Variants in CHLSN observed in about 807,000 individuals in gnomAD.
CHLSN encodes protein cholesin.
the CHLSN span, among the ~76,000 whole-genome samples, chr7:1,054,369 C>T: frequency 5.9e-5 from 9 of 152,218 alleles, no homozygotes; most frequent in Non-Finnish European, 1.3e-4. Flanking sequence ...TTTATAAATC[C>T]TTCAGTATTT....
the CHLSN span, among the ~76,000 whole-genome samples, chr7:1,118,578 G>A: frequency 2.0e-5 from 3 of 151,806 alleles, no homozygotes; most frequent in East Asian, 1.9e-4. Flanking sequence ...TCAATAAGTC[G>A]CAAAAAAATG....
chr7:1,064,907 C>T, the CHLSN span, among the ~76,000 whole-genome samples: 1 of 152,214 alleles, frequency 6.6e-6, no homozygotes, highest in Non-Finnish European at 1.5e-5. Context: ...CCGGGTCAAG[C>T]GAGCAGCATC....
chr7:1,040,375 C>G, the CHLSN span, among the ~76,000 whole-genome samples: 3 of 151,858 alleles, frequency 2.0e-5, no homozygotes, highest in Non-Finnish European at 2.9e-5. Flanking sequence ...CGCACCTGTA[C>G]TCCCAGGTAC....
the CHLSN span, among the ~76,000 whole-genome samples, chr7:1,112,852 T>C: frequency 2.0e-5 from 3 of 152,124 alleles, no homozygotes; most frequent in Non-Finnish European, 4.4e-5. Flanking sequence ...TAAACATGCA[T>C]GCACCATGCA....
At chr7:1,001,909 A>G in the CHLSN span, among the ~76,000 whole-genome samples, 1 of 38,912 alleles carries the variant, frequency 2.6e-5, no homozygotes, top group Non-Finnish European at 4.7e-5. Flanking sequence ...GTGGGTGGGG[A>G]GTCCTGCGGG....
chr7:1,098,609 CAGACACGAGTGGAGCTGCCACGCTCA>C, the CHLSN span, among the ~76,000 whole-genome samples: 1 of 151,846 alleles, frequency 6.6e-6, no homozygotes, highest in African/African-American at 2.4e-5. Context: ...TGAGATAAAG[CAGACACGAGTGGAGCTGCCACGCTCA>C]GTGAGATAAA....
At chr7:1,055,417 C>G in the CHLSN span, 2 of 468,544 alleles carry the variant, frequency 4.3e-6, no homozygotes, top group Non-Finnish European at 8.8e-6. Flanking sequence ...CACCTCTGTC[C>G]CGCCATGCTG....
the CHLSN span, among the ~76,000 whole-genome samples, chr7:1,119,672 T>C: frequency 6.6e-6 from 1 of 151,952 alleles, no homozygotes; most frequent in East Asian, 1.9e-4. Context: ...AGGTCAGGAG[T>C]TCAAGACCAG....
chr7:1,002,981 G>A, the CHLSN span, among the ~76,000 whole-genome samples: 2 of 85,442 alleles, frequency 2.3e-5, no homozygotes, highest in Non-Finnish European at 4.8e-5. Flanking sequence ...TCCTGTGGGT[G>A]AGTGGAGTCC....
the CHLSN span, among the ~76,000 whole-genome samples, chr7:1,022,684 G>C: frequency 5.9e-5 from 9 of 152,084 alleles, no homozygotes. Context: ...GAAACACACA[G>C]GGGATTAATT....
the CHLSN span, among the ~76,000 whole-genome samples, chr7:1,081,084 C>T: frequency 6.6e-6 from 1 of 152,244 alleles, no homozygotes; most frequent in Non-Finnish European, 1.5e-5. Flanking sequence ...GGGAGCACGC[C>T]CCCCACCCGG....
At chr7:1,070,578 GCA>G in the CHLSN span, among the ~76,000 whole-genome samples, 15 of 130,428 alleles carry the variant, frequency 1.2e-4, no homozygotes, top group South Asian at 2.6e-4. Context: ...ACGCAAACAC[GCA>G]CACACGGACA....
the CHLSN span, chr7:987,153 G>A: frequency 6.3e-7 from 1 of 1,577,912 alleles, no homozygotes. Flanking sequence ...GCGGTGGCCT[G>A]CACCCTGGAC....
chr7:984,262 A>G, the CHLSN span: 1 of 1,066,194 alleles, frequency 9.4e-7, no homozygotes, highest in Non-Finnish European at 1.3e-6. Flanking sequence ...ACCCTGCACC[A>G]CTGGCTTTAT....
the CHLSN span, among the ~76,000 whole-genome samples, chr7:1,016,584 CACAGCACCACACAGCAGCGT>C: frequency 1.9e-4 from 25 of 128,930 alleles, no homozygotes; most frequent in Admixed American, 1.7e-3. Flanking sequence ...CACAGCAGCA[CACAGCACCACACAGCAGCGT>C]ACAGCAGCGC....
chr7:1,069,275 G>C, the CHLSN span, among the ~76,000 whole-genome samples: 1 of 152,142 alleles, frequency 6.6e-6, no homozygotes, highest in Non-Finnish European at 1.5e-5. Flanking sequence ...AGGTTGCGGT[G>C]AGCCAAGATT....
At chr7:1,023,876 T>C in the CHLSN span, among the ~76,000 whole-genome samples, 2 of 152,196 alleles carry the variant, frequency 1.3e-5, no homozygotes, top group Admixed American at 1.3e-4. This position sits in a 1 kb window ranked among gnomAD's most constrained non-coding sequence, Gnocchi z 5.0. Context: ...GGTCTTGCTC[T>C]GTGGCCCAGG....
the CHLSN span, among the ~76,000 whole-genome samples, chr7:1,108,623 T>C: frequency 6.6e-6 from 1 of 152,218 alleles, no homozygotes; most frequent in Non-Finnish European, 1.5e-5. Flanking sequence ...CTCCGCCAGC[T>C]AAAAGGATTT....
the CHLSN span, chr7:1,109,471 T>C: frequency 1.3e-5 from 2 of 152,182 alleles, no homozygotes; most frequent in African/African-American, 2.4e-5. Flanking sequence ...CCTAAAAGCA[T>C]ATAAAAAACT....
Sources: allele counts gnomAD v4.1 joint callset (sites outside exome capture counted in the v4.1 genomes callset), GRCh38; gene constraint gnomAD v4.1.1; non-coding constraint Gnocchi (gnomAD v3.1); transcripts MANE v1.5; gene names NCBI Gene and HGNC (gene_info 2026-07-23, HGNC 2026-07-21).